The following GRIA4 variants were observed in gnomAD, a reference collection of about 807,000 sequenced individuals.
The protein encoded by GRIA4 is glutamate ionotropic receptor AMPA type subunit 4, also known as glutamate receptor 4.
In GRIA4, 34 loss-of-function variants were observed where a neutral mutation model predicts 104.0. That is an observed-to-expected ratio of 0.33 (90% confidence interval 0.25 to 0.44). The LOEUF (loss-of-function observed/expected upper bound fraction) is 0.44, where lower values mean the gene tolerates loss of function less well. GRIA4 is among the 20% of genes least tolerant of loss of function. GRIA4 has a pLI of 1.00. For synonymous variants in GRIA4, 386 were observed against 381.9 expected, an observed-to-expected ratio of 1.01 and a Z score of -0.13; for missense variants, 750 against 1,096.5, an observed-to-expected ratio of 0.68 and a Z score of 4.46.
intron 4 of GRIA4, among the ~76,000 whole-genome samples, chr11:105,812,104 C>T (rs566599551): frequency 1.3e-5 from 2 of 152,220 alleles, no homozygotes; most frequent in Non-Finnish European, 2.9e-5. Context: ...TTCAATACCT[C>T]GCATCTTGCC....
intron 10 of GRIA4, chr11:105,913,012 G>A (rs1947300684): frequency 2.1e-6 from 2 of 942,534 alleles, no homozygotes; most frequent in African/African-American, 1.8e-5. Context: ...TGGTGTTATT[G>A]TTCTTCCAGT....
At chr11:105,872,690 G>C (rs559722114) in intron 5 of GRIA4, among the ~76,000 whole-genome samples, 1 of 152,084 alleles carries the variant, frequency 6.6e-6, no homozygotes, top group African/African-American at 2.4e-5. Flanking sequence ...TCTACTCATT[G>C]ATATGTCCAA....
At chr11:105,649,700 G>A (rs538325074) in intron 3 of GRIA4, among the ~76,000 whole-genome samples, 7 of 152,020 alleles carry the variant, frequency 4.6e-5, no homozygotes, top group South Asian at 2.1e-4. Flanking sequence ...ATACTACTGC[G>A]AGTTTTAATT....
intron 3 of GRIA4, among the ~76,000 whole-genome samples, chr11:105,645,164 G>T (rs1352213052): frequency 6.6e-6 from 1 of 152,138 alleles, no homozygotes; most frequent in South Asian, 2.1e-4. Flanking sequence ...GAGATGGGTC[G>T]GGGGAAAGAA....
chr11:105,960,884 G>A lies in GRIA4; in HGVS notation c.2295-11030G>A, dbSNP rs138836905. The stretch of plus-strand genomic sequence containing the variant: ...CTGTGGAGAGGAGGTTCCCCTTCCC[G>A]GTGTGGGCCACCACACCACAGTGCT... On this transcript the variant is annotated intron_variant, in intron 14 of 16. Coordinates refer to ENST00000282499, the MANE Select transcript of GRIA4 (RefSeq NM_000829.4). Among the ~76,000 whole-genome samples, 249 of 152,200 alleles carry A rather than the reference G, an allele frequency of 1.6e-3. 1 individual carries two copies. Among genetic ancestry groups the A allele is most frequent in the Admixed American group, 3.9e-3 (59 of 15,302 alleles).
intron 3 of GRIA4, among the ~76,000 whole-genome samples, chr11:105,657,713 C>T (rs892426436): frequency 7.9e-5 from 12 of 151,986 alleles, no homozygotes; most frequent in Non-Finnish European, 1.6e-4. Flanking sequence ...GGTTCATAAT[C>T]AGTCACCTAC....
chr11:105,832,394 C>G (rs1253203641), intron 4 of GRIA4, among the ~76,000 whole-genome samples: 3 of 151,378 alleles, frequency 2.0e-5, no homozygotes, highest in Non-Finnish European at 4.4e-5. Context: ...CTCACTTTCT[C>G]CCTGCTGTGG....
At position 105,702,690 on chromosome 11, in the gene GRIA4, C is replaced by CTTTTTTTTTTTTTTTT. The variant is rs150923757; in HGVS notation, c.248-50288_248-50287insTTTTTTTTTTTTTTTT. 4.2e-5 allele frequency among the ~76,000 whole-genome samples: 4 copies of CTTTTTTTTTTTTTTTT among 96,074 alleles called. 2 individuals are homozygous for CTTTTTTTTTTTTTTTT. The highest frequency in any genetic ancestry group is 8.2e-5 in the African/African-American group (2 of 24,354). 63.0% of individuals were successfully genotyped at this position (96,074 alleles called of 152,430 possible). ...TTATAAGATATGCAAAATTATTTTC[C>CTTTTTTTTTTTTTTTT]TTTCTTTTTTTTTTTTTTTTTTTTG... On this transcript the variant is annotated intron_variant, in intron 3 of 16. Transcript: ENST00000282499.
chr11:105,675,924 C>T (rs915204765), intron 3 of GRIA4, among the ~76,000 whole-genome samples: 4 of 151,666 alleles, frequency 2.6e-5, no homozygotes, highest in Non-Finnish European at 5.9e-5. Context: ...CCTAGTCTGG[C>T]GTTAGTAATT....
chr11:105,811,672 G>A (rs941515601), intron 4 of GRIA4, among the ~76,000 whole-genome samples: 2 of 152,104 alleles, frequency 1.3e-5, no homozygotes, highest in African/African-American at 4.8e-5. Context: ...CAAATTTTTT[G>A]GAAAAGTGTG....
intron 3 of GRIA4, among the ~76,000 whole-genome samples, chr11:105,686,391 A>G (rs1000792098): frequency 6.6e-6 from 1 of 152,196 alleles, no homozygotes; most frequent in Non-Finnish European, 1.5e-5. Flanking sequence ...ATGTTGCTGC[A>G]AAAGACATTA....
chr11:105,964,096 C>T (rs982359134), intron 14 of GRIA4, among the ~76,000 whole-genome samples: 5 of 152,122 alleles, frequency 3.3e-5, no homozygotes, highest in Middle Eastern at 6.8e-3. Flanking sequence ...TTCCTTTTTT[C>T]CCAGCAGAAT....
chr11:105,716,055 C>T (rs1014216538), intron 3 of GRIA4, among the ~76,000 whole-genome samples: 2 of 152,288 alleles, frequency 1.3e-5, no homozygotes, highest in East Asian at 3.9e-4. Flanking sequence ...TGCAATTAGC[C>T]TTGGCATAGT....
chr11:105,611,813 G>C (rs542769238), intron 2 of GRIA4, among the ~76,000 whole-genome samples: 3 of 152,292 alleles, frequency 2.0e-5, no homozygotes, highest in African/African-American at 7.2e-5. Flanking sequence ...GCATAAAACG[G>C]AGTTAATTAG....
chr11:105,649,464 G>T (rs1246943396), intron 3 of GRIA4, among the ~76,000 whole-genome samples: 1 of 151,990 alleles, frequency 6.6e-6, no homozygotes, highest in Non-Finnish European at 1.5e-5. Flanking sequence ...CCATTCCATT[G>T]TTCTCAATTC....
chr11:105,957,220 T>C (rs1380215327), intron 14 of GRIA4, among the ~76,000 whole-genome samples: 1 of 152,212 alleles, frequency 6.6e-6, no homozygotes. Flanking sequence ...CTATGCTATC[T>C]TCTAGGGTTT....
At chr11:105,671,818 T>C (rs1321128063) in intron 3 of GRIA4, among the ~76,000 whole-genome samples, 1 of 152,074 alleles carries the variant, frequency 6.6e-6, no homozygotes, top group Non-Finnish European at 1.5e-5. Context: ...ATTCCATTCT[T>C]ACAGTTGATA....
chr11:105,892,686 T>C (rs180724269), intron 6 of GRIA4, among the ~76,000 whole-genome samples: 1 of 152,330 alleles, frequency 6.6e-6, no homozygotes. Context: ...GTTTTACTTT[T>C]GTGCTTCCCG....
intron 3 of GRIA4, among the ~76,000 whole-genome samples, chr11:105,748,335 AG>A (rs1301982229): frequency 6.6e-6 from 1 of 151,880 alleles, no homozygotes; most frequent in African/African-American, 2.4e-5. Flanking sequence ...GTCTATCCCC[AG>A]AGAATGAGAA....
Sources: gnomAD v4.1 joint callset for allele counts (sites outside exome capture counted in the v4.1 genomes callset) on GRCh38, gnomAD v4.1.1 for gene constraint, MANE v1.5 for transcripts, NCBI Gene and HGNC (gene_info 2026-07-23, HGNC 2026-07-21) for gene names.